GOSR2: variants seen among roughly 807,000 people sequenced by gnomAD.
The protein encoded by GOSR2 is 27 kDa Golgi SNARE protein.
A neutral mutation model predicts 27.9 loss-of-function variants in GOSR2; 20 were observed. The observed-to-expected ratio is 0.72, with a 90% confidence interval of 0.50 to 1.04. The LOEUF is 1.04. Ranked by LOEUF, GOSR2 falls within the 50% of genes least tolerant of loss-of-function variation. GOSR2 has a pLI of 0.00. For missense variants in GOSR2, 261 were observed against 270.5 expected (o/e 0.97, Z 0.25); for synonymous variants, 91 against 98.8 (o/e 0.92, Z 0.47).
intron 6 of GOSR2, among the ~76,000 whole-genome samples, chr17:46,952,191 T>C (rs1469078092): frequency 1.3e-5 from 2 of 152,224 alleles, no homozygotes; most frequent in Non-Finnish European, 2.9e-5. Context: ...CCCCTTCTGC[T>C]GGTGCCATTG....
intron 6 of GOSR2, among the ~76,000 whole-genome samples, chr17:46,972,247 C>G (rs1424469767): frequency 6.6e-6 from 1 of 152,190 alleles, no homozygotes; most frequent in Non-Finnish European, 1.5e-5. Flanking sequence ...TCTTCCTCCT[C>G]TCTTCCCTTC....
chr17:46,959,044 A>G (rs1185130939), intron 6 of GOSR2, among the ~76,000 whole-genome samples: 4 of 152,242 alleles, frequency 2.6e-5, no homozygotes, highest in Non-Finnish European at 4.4e-5. Flanking sequence ...GCTGCATGCA[A>G]GGCTGTCCTT....
intron 6 of GOSR2, among the ~76,000 whole-genome samples, chr17:46,973,415 A>T (rs2091413220): frequency 6.6e-6 from 1 of 151,954 alleles, no homozygotes; most frequent in Non-Finnish European, 1.5e-5. Flanking sequence ...CGCCCACCTT[A>T]GCCTCCCAAA....
chr17:46,932,590 G>A, intron 4 of GOSR2: 2 of 447,362 alleles, frequency 4.5e-6, no homozygotes, highest in Non-Finnish European at 8.0e-6. Flanking sequence ...AGTTGCCATT[G>A]TGCCGAGTAT....
At chr17:46,965,822 G>T (rs886950062) in intron 6 of GOSR2, among the ~76,000 whole-genome samples, 3 of 151,292 alleles carry the variant, frequency 2.0e-5, no homozygotes, top group Non-Finnish European at 4.4e-5. Flanking sequence ...GTAGAGGCGG[G>T]GTCTCATTAT....
exon 7 of GOSR2, chr17:46,966,626 G>T: frequency 1.5e-6 from 1 of 667,882 alleles, no homozygotes; most frequent in Admixed American, 2.1e-5. Context: ...TGGGATTATA[G>T]GTATGAGCCA....
chr17:46,936,625 T>G (rs1362938230), intron 5 of GOSR2: 14 of 985,316 alleles, frequency 1.4e-5, no homozygotes, highest in Non-Finnish European at 1.7e-5. Context: ...TGGGGCCAAT[T>G]TGTGGCTGAA....
downstream of GOSR2, among the ~76,000 whole-genome samples, chr17:46,971,912 G>A (rs546773257): frequency 2.6e-5 from 4 of 152,354 alleles, no homozygotes; most frequent in East Asian, 5.8e-4. Flanking sequence ...GAAGCTTTAG[G>A]AAGTAGAGAG....
chr17:46,948,943 C>T (rs999215449), intron 6 of GOSR2: 1 of 152,226 alleles, frequency 6.6e-6, no homozygotes, highest in Non-Finnish European at 1.5e-5. Context: ...CTTTCGATAG[C>T]TACGAACTGA....
intron 6 of GOSR2, among the ~76,000 whole-genome samples, chr17:46,958,907 C>T (rs2090896503): frequency 6.6e-6 from 1 of 152,210 alleles, no homozygotes; most frequent in African/African-American, 2.4e-5. Context: ...AAATGTACAA[C>T]CTACCTCCAA....
chr17:46,952,329 G>T (rs951319441), intron 6 of GOSR2, among the ~76,000 whole-genome samples: 1 of 152,188 alleles, frequency 6.6e-6, no homozygotes, highest in Non-Finnish European at 1.5e-5. Context: ...GTCGGTTTGG[G>T]GTGACCACAT....
At chr17:46,972,948 T>A (rs2091407874) in intron 6 of GOSR2, 1 of 153,728 alleles carries the variant, frequency 6.5e-6, no homozygotes, top group African/African-American at 2.4e-5. Flanking sequence ...GTACGTCAAG[T>A]TTATTAGGAG....
chr17:46,975,747 C>A (rs1481111602), downstream of GOSR2, among the ~76,000 whole-genome samples: 6 of 152,138 alleles, frequency 3.9e-5, no homozygotes, highest in Admixed American at 3.3e-4. Context: ...CCCAAACACA[C>A]GTTAGTACAC....
intron 6 of GOSR2, among the ~76,000 whole-genome samples, chr17:46,973,399 G>C (rs747464803): frequency 2.0e-5 from 3 of 152,062 alleles, no homozygotes; most frequent in Non-Finnish European, 4.4e-5. Context: ...GTGGGCTCAA[G>C]TGATTCGCCC....
At chr17:46,943,931 T>A (rs2089597033), downstream of GOSR2, among the ~76,000 whole-genome samples, 1 of 151,966 alleles carries the variant, frequency 6.6e-6, no homozygotes, top group Admixed American at 6.5e-5. Flanking sequence ...CTAGATAAGC[T>A]AAAGGCTAGG....
chr17:46,943,706 G>C (rs1301665855), downstream of GOSR2, among the ~76,000 whole-genome samples: 2 of 152,248 alleles, frequency 1.3e-5, no homozygotes, highest in Non-Finnish European at 2.9e-5. Flanking sequence ...GCCAGGCCAG[G>C]AGGAAGCCAG....
chr17:46,962,835 C>T (rs1166347189), intron 6 of GOSR2, among the ~76,000 whole-genome samples: 1 of 152,210 alleles, frequency 6.6e-6, no homozygotes, highest in African/African-American at 2.4e-5. Flanking sequence ...CCAGAAATTT[C>T]TGGGAGTAGT....
chr17:46,960,529 T>C (rs1201979050), intron 6 of GOSR2, among the ~76,000 whole-genome samples: 1 of 149,710 alleles, frequency 6.7e-6, no homozygotes, highest in East Asian at 1.9e-4. Context: ...AGGAAAACTT[T>C]TGTTCACACA....
At chr17:46,934,433 A>C (rs2087925195) in intron 4 of GOSR2, among the ~76,000 whole-genome samples, 1 of 152,082 alleles carries the variant, frequency 6.6e-6, no homozygotes, top group South Asian at 2.1e-4. Flanking sequence ...GAGGTGGGAG[A>C]ATTGTTTGAG....
Sources: allele counts gnomAD v4.1 joint callset (sites outside exome capture counted in the v4.1 genomes callset), GRCh38; gene constraint gnomAD v4.1.1; transcripts MANE v1.5; gene names NCBI Gene and HGNC (gene_info 2026-07-23, HGNC 2026-07-21).